Variants in RBFOX1 observed in about 807,000 individuals in gnomAD.
RBFOX1 encodes the protein RNA binding fox-1 homolog 1, also known as RNA binding protein fox-1 homolog 1.
In RBFOX1, 8 loss-of-function variants were observed where a neutral mutation model predicts 57.7. The observed-to-expected ratio is 0.14, with a 90% CI of 0.08 to 0.25. The LOEUF (loss-of-function observed/expected upper bound fraction) is 0.25, where lower values mean the gene tolerates loss of function less well. Ranked by LOEUF, RBFOX1 falls within the 10% of genes least tolerant of loss-of-function variation. The pLI is 1.00. For missense variants in RBFOX1, 611 were observed against 548.5 expected (o/e 1.11, Z -1.14); for synonymous variants, 326 against 222.4 (o/e 1.47, Z -4.15).
intron 3 of RBFOX1, among the ~76,000 whole-genome samples, chr16:7,026,459 C>A (rs2239): frequency 2.6e-5 from 4 of 151,950 alleles, no homozygotes; most frequent in African/African-American, 9.7e-5. Context: ...TTTTTTTCTT[C>A]TTCTTTCATT....
chr16:6,676,933 C>A (rs1312852262), intron 3 of RBFOX1, among the ~76,000 whole-genome samples: 3 of 152,036 alleles, frequency 2.0e-5, no homozygotes, highest in Non-Finnish European at 2.9e-5. Context: ...ACCTCGGCCT[C>A]CCAAAGTGCT....
intron 4 of RBFOX1, among the ~76,000 whole-genome samples, chr16:7,447,164 C>T (rs12934306): frequency 6.6e-6 from 1 of 151,756 alleles, no homozygotes; most frequent in Admixed American, 6.6e-5. Flanking sequence ...TTTGGGAGCC[C>T]TCCGTAAGAA....
intron 4 of RBFOX1, among the ~76,000 whole-genome samples, chr16:7,140,080 A>G (rs1411837011): frequency 6.6e-6 from 1 of 151,570 alleles, no homozygotes; most frequent in Non-Finnish European, 1.5e-5. Context: ...GGCTCTGTCT[A>G]GGTATTTATG....
At chr16:5,926,209 C>T (rs897867146) in intron 4 of RBFOX1, among the ~76,000 whole-genome samples, 5 of 152,132 alleles carry the variant, frequency 3.3e-5, no homozygotes, top group Non-Finnish European at 7.4e-5. Flanking sequence ...ATGAGATATG[C>T]GTATAATTAC....
At chr16:5,583,965 A>G (rs1449210295) in intron 2 of RBFOX1, among the ~76,000 whole-genome samples, 2 of 152,172 alleles carry the variant, frequency 1.3e-5, no homozygotes, top group Non-Finnish European at 2.9e-5. Flanking sequence ...CAGGGAGCTC[A>G]AGGCTGTGCC....
chr16:6,164,336 G>A (rs996203933), intron 1 of RBFOX1, among the ~76,000 whole-genome samples: 2 of 152,062 alleles, frequency 1.3e-5, no homozygotes, highest in Non-Finnish European at 2.9e-5. Context: ...ATTTCTGAAA[G>A]CTAACTCTTC....
intron 2 of RBFOX1, among the ~76,000 whole-genome samples, chr16:6,452,311 ACT>A (rs2094649335): frequency 7.2e-6 from 1 of 139,110 alleles, no homozygotes. Context: ...TCCTTTCATG[ACT>A]CTATCCATGG....
intron 3 of RBFOX1, among the ~76,000 whole-genome samples, chr16:7,025,077 G>T (rs1208786084): frequency 6.6e-6 from 1 of 152,194 alleles, no homozygotes; most frequent in African/African-American, 2.4e-5. Context: ...TGTCTGTAGA[G>T]TGAAGCGAAA....
At chr16:7,603,750 C>T (rs1391833800) in intron 9 of RBFOX1, among the ~76,000 whole-genome samples, 1 of 151,900 alleles carries the variant, frequency 6.6e-6, no homozygotes, top group African/African-American at 2.4e-5. Context: ...GGAAGTGGTA[C>T]CAAAGAGGTA....
chr16:6,044,718 C>T (rs1232665489), intron 1 of RBFOX1, among the ~76,000 whole-genome samples: 2 of 152,136 alleles, frequency 1.3e-5, no homozygotes, highest in South Asian at 2.1e-4. Context: ...TGTGCATTCT[C>T]CTGTGAGAAC....
intron 3 of RBFOX1, among the ~76,000 whole-genome samples, chr16:6,964,353 A>T (rs750760752): frequency 2.0e-5 from 3 of 152,190 alleles, no homozygotes; most frequent in Non-Finnish European, 4.4e-5. Flanking sequence ...AAAATACTCT[A>T]TGTGACACTG....
intron 1 of RBFOX1, among the ~76,000 whole-genome samples, chr16:5,431,403 C>G (rs553534228): frequency 1.3e-5 from 2 of 152,174 alleles, no homozygotes; most frequent in East Asian, 1.9e-4. Context: ...GAGATGGAGT[C>G]TCGCTCTGTT....
intron 4 of RBFOX1, among the ~76,000 whole-genome samples, chr16:7,188,675 C>T (rs1010350075): frequency 3.3e-5 from 5 of 152,176 alleles, no homozygotes; most frequent in African/African-American, 1.2e-4. Context: ...TGAACATGTC[C>T]TGCAGCAGGT....
intron 1 of RBFOX1, among the ~76,000 whole-genome samples, chr16:6,132,298 G>C (rs909349472): frequency 6.6e-6 from 1 of 152,132 alleles, no homozygotes; most frequent in African/African-American, 2.4e-5. Flanking sequence ...TCTGTGACTA[G>C]TTTTGCTCAC....
intron 4 of RBFOX1, among the ~76,000 whole-genome samples, chr16:7,367,643 C>G (rs996660716): frequency 6.6e-6 from 1 of 152,114 alleles, no homozygotes; most frequent in African/African-American, 2.4e-5. Flanking sequence ...GTGCATCAGT[C>G]AGTTCAATGG....
chr16:7,320,674 T>A (rs2096529655), intron 4 of RBFOX1, among the ~76,000 whole-genome samples: 1 of 152,234 alleles, frequency 6.6e-6, no homozygotes, highest in East Asian at 1.9e-4. Context: ...CGGTAGTAAG[T>A]GAATCATCAT....
intron 2 of RBFOX1, among the ~76,000 whole-genome samples, chr16:6,485,538 TTTTC>T (rs78510565): frequency 0.17 from 26,580 of 152,026 alleles, 2,329 homozygotes; most frequent in Middle Eastern, 0.2. Context: ...CAGAGCCTGT[TTTTC>T]TTTCTTTCTT....
chr16:5,262,384 C>A (rs980473596), intron 1 of RBFOX1, among the ~76,000 whole-genome samples: 30 of 152,212 alleles, frequency 2.0e-4, no homozygotes, highest in African/African-American at 6.3e-4. Context: ...TGAGCCTCAT[C>A]CAATCCACTG....
chr16:6,544,185 C>A (rs1206127073), intron 2 of RBFOX1, among the ~76,000 whole-genome samples: 1 of 152,142 alleles, frequency 6.6e-6, no homozygotes, highest in Admixed American at 6.5e-5. Flanking sequence ...GGGCAACAGG[C>A]CCTGTTGAAC....
Sources: gnomAD v4.1 joint callset for allele counts (sites outside exome capture counted in the v4.1 genomes callset) on GRCh38, gnomAD v4.1.1 for gene constraint, MANE v1.5 for transcripts, NCBI Gene and HGNC (gene_info 2026-07-23, HGNC 2026-07-21) for gene names.